The following HECTD4 variants were observed in gnomAD, a reference collection of about 807,000 sequenced individuals.
The protein encoded by HECTD4 is HECT domain E3 ubiquitin protein ligase 4, also known as probable E3 ubiquitin-protein ligase HECTD4.
HECTD4 carries 114 observed loss-of-function variants against 471.5 expected under a neutral mutation model. The observed-to-expected ratio is 0.24, with a 90% CI of 0.21 to 0.28. The LOEUF (loss-of-function observed/expected upper bound fraction) is 0.28. Among genes scored for constraint, HECTD4 ranks in the 10% least tolerant of loss-of-function variants. The probability of loss-of-function intolerance (pLI) is 1.00; values close to 1 mark genes in which losing one functional copy is unlikely to be tolerated. For missense variants in HECTD4, 3,866 were observed against 5,651.5 expected, an observed-to-expected ratio of 0.68 and a Z score of 10.13; for synonymous variants, 2,012 against 2,256.0, an observed-to-expected ratio of 0.89 and a Z score of 3.07.
chr12:112,295,659 A>G (rs1457023994), intron 7 of HECTD4, among the ~76,000 whole-genome samples: 1 of 137,700 alleles, frequency 7.3e-6, no homozygotes, highest in Non-Finnish European at 1.6e-5. Flanking sequence ...TTTTTTTGAG[A>G]CAGGGTCTGT....
intron 26 of HECTD4, 61 bp downstream of exon 26, chr12:112,248,259 A>G: frequency 2.0e-6 from 3 of 1,523,230 alleles, no homozygotes; most frequent in Non-Finnish European, 2.7e-6. Context: ...ATTAGATCAC[A>G]TTCTAAATTT....
chr12:112,187,041 G>A (rs774586074), intron 60 of HECTD4, among the ~76,000 whole-genome samples: 12 of 151,094 alleles, frequency 7.9e-5, no homozygotes, highest in Admixed American at 1.3e-4. Context: ...GTGCAATGGC[G>A]TGATCTTGGC....
At chr12:112,278,013 TG>T (rs996702550) in intron 9 of HECTD4, among the ~76,000 whole-genome samples, 3 of 152,252 alleles carry the variant, frequency 2.0e-5, no homozygotes. Context: ...ATGCACAGAA[TG>T]AGACAAAATA....
At chr12:112,282,166 G>A (rs1196935880) in intron 8 of HECTD4, among the ~76,000 whole-genome samples, 3 of 152,058 alleles carry the variant, frequency 2.0e-5, no homozygotes, top group Non-Finnish European at 2.9e-5. Context: ...GGCGGATCAC[G>A]AGGTCAGGAG....
chr12:112,279,046 C>T (rs777804651), intron 9 of HECTD4, among the ~76,000 whole-genome samples, 182 bp downstream of exon 9: 8 of 152,044 alleles, frequency 5.3e-5, no homozygotes, highest in Non-Finnish European at 1.0e-4. Flanking sequence ...ACTAATATGC[C>T]ATCCACAAAA....
At chr12:112,325,041 T>C (rs1428093429) in intron 1 of HECTD4, among the ~76,000 whole-genome samples, 2 of 152,200 alleles carry the variant, frequency 1.3e-5, no homozygotes, top group Non-Finnish European at 2.9e-5. Flanking sequence ...AACAGGGCTA[T>C]TTATTTTTAT....
chr12:112,205,265 G>C (rs542805182), intron 52 of HECTD4, among the ~76,000 whole-genome samples: 1 of 151,408 alleles, frequency 6.6e-6, no homozygotes. Flanking sequence ...GCAAAACCCC[G>C]TCTCTATTAA....
At chr12:112,204,846 A>G (rs2032527137) in intron 52 of HECTD4, among the ~76,000 whole-genome samples, 1 of 152,090 alleles carries the variant, frequency 6.6e-6, no homozygotes, top group Admixed American at 6.6e-5. Context: ...AAATATAAGC[A>G]CTAAGGCCAG....
In HECTD4 at chr12:112,175,413, T is replaced by C. The variant is rs181378032; in HGVS notation, c.11594+323A>G. ...CAGCCCCAGGAGAAACCAGCACTGCTGACACCTTGATCTGGGCCTTCCAGC... is the reference window on the plus strand; with the variant it reads ...CAGCCCCAGGAGAAACCAGCACTGCCGACACCTTGATCTGGGCCTTCCAGC... On this transcript the variant is annotated intron_variant, in intron 66 of 75. Transcript: ENST00000682272. 7.0e-4 allele frequency among the ~76,000 whole-genome samples: 106 copies of C among 152,332 alleles called. 1 individual carries two copies. The highest frequency in any genetic ancestry group is 2.5e-3 in the African/African-American group (104 of 41,572).
intron 7 of HECTD4, among the ~76,000 whole-genome samples, chr12:112,290,858 C>CAAA (rs201183139): frequency 8.0e-6 from 1 of 125,296 alleles, no homozygotes; most frequent in East Asian, 4.4e-4. Context: ...CAAAAAAAAA[C>CAAA]AAAACAAAAA....
rs549561488 is a variant in HECTD4 at position 112,203,737 on chromosome 12, T to C, written c.8305A>G (p.Asn2769Asp). Residue 2769 changes from asparagine (N) to aspartate (D), a missense_variant, in exon 54 of 76, where the codon AAT becomes GAT. Coordinates refer to ENST00000682272, the MANE Select transcript of HECTD4 (RefSeq NM_001388303.1). ...TVVTRSPDSN[N>D]VASSAVGTAL... ...GTTCCAACAGCACTGCTGGCTACAT[T>C]ATTGCTGTCTGGAGAGCGGGTTACT... 1 of 1,612,644 alleles carries C rather than the reference T, an allele frequency of 6.2e-7. No homozygotes were observed. The highest frequency in any genetic ancestry group is 8.5e-7 in the Non-Finnish European group (1 of 1,179,276).
intron 1 of HECTD4, among the ~76,000 whole-genome samples, chr12:112,337,831 A>G (rs1339047824): frequency 1.3e-5 from 2 of 152,220 alleles, no homozygotes; most frequent in East Asian, 3.8e-4. Flanking sequence ...ATTGCTTAGT[A>G]AAAATCTCCT....
chr12:112,208,383 C>A (rs1172504076), intron 51 of HECTD4, 111 bp downstream of exon 51: 2 of 1,144,062 alleles, frequency 1.7e-6, no homozygotes, highest in Admixed American at 6.7e-5. Flanking sequence ...CTGAGAGTAA[C>A]AAAACCAGCT....
In HECTD4 at chr12:112,235,615, G is replaced by A. The variant is rs753050875; in HGVS notation, c.5614C>T (p.Pro1872Ser). The change falls in exon 36 of 76, where the codon CCC becomes TCC. Residue 1872 changes from proline (P) to serine (S), a missense_variant. Physicochemically the swap from Pro to Ser is moderately conservative, Grantham distance 74 (BLOSUM62 -1). This residue lies in a region of HECTD4 where 617 missense variants were observed against 915.1 expected (regional missense o/e 0.67). Transcript: ENST00000682272. The surrounding 1 kb of genome is among the most constrained non-coding windows in gnomAD (Gnocchi z 5.0). ...VEDCGNVELP[P>S]WSYSVPSLNS... ...AAGGAGGGGACAGAGTAGCTCCAGGGTGGGAGCTCCACGTTTCCACAGTCT... is the reference window on the plus strand; with the variant it reads ...AAGGAGGGGACAGAGTAGCTCCAGGATGGGAGCTCCACGTTTCCACAGTCT... The A allele has an allele frequency of 6.2e-7, 1 of 1,614,008 alleles. No homozygotes were observed. Among genetic ancestry groups the A allele is most frequent in the South Asian group, 1.1e-5 (1 of 91,078 alleles).
At chr12:112,258,397 A>T in intron 20 of HECTD4, 99 bp downstream of exon 20, 1 of 806,324 alleles carries the variant, frequency 1.2e-6, no homozygotes, top group Non-Finnish European at 1.9e-6. Context: ...TTTCACAGCT[A>T]GATAATCCTT....
rs759500528 is a variant in HECTD4, at chr12:112,239,225, T to G, written c.5117A>C (p.Lys1706Thr). 2.5e-6 allele frequency: 4 copies of G among 1,610,642 alleles called. No individual in the cohort carries two copies. The highest frequency in any genetic ancestry group is 3.4e-6 in the Non-Finnish European group (4 of 1,178,516). The change falls in exon 34 of 76, where the codon AAG (lysine) becomes ACG (threonine). Residue 1706 changes from lysine (K) to threonine (T), a missense_variant. Lys to Thr is a moderately conservative substitution (Grantham distance 78, BLOSUM62 -1). Around this residue, in one of 16 missense-constraint regions of HECTD4, gnomAD observed 229 missense variants for 386.4 expected, o/e 0.59. Transcript: ENST00000682272. The surrounding 1 kb of genome is among the most constrained non-coding windows in gnomAD (Gnocchi z 4.9). ...CACAAGGCCACTGCGTACCAGGCAC[T>G]TCTCTTCGCTCCTGACAAAGGGTCA... ...CTIPYTRSEE[K>T]CLVRSGLVQL... is the part of the protein sequence containing the mutation.
At chr12:112,288,202 C>T (rs1459128203) in intron 7 of HECTD4, among the ~76,000 whole-genome samples, 1 of 151,586 alleles carries the variant, frequency 6.6e-6, no homozygotes, top group African/African-American at 2.4e-5. Flanking sequence ...GTGGTATGCA[C>T]CTGTAATTCC....
chr12:112,243,638 G>C lies in HECTD4; in HGVS notation c.4773C>G (p.Gly1591=), dbSNP rs556076565. The C allele has an allele frequency of 2.4e-5, 39 of 1,611,688 alleles. No homozygotes were observed. Among genetic ancestry groups the C allele is most frequent in the Non-Finnish European group, 3.1e-5 (37 of 1,178,860 alleles). ...GACGTACAGCTTGGTCAGGGTTGGT[G>C]CCGATGAAAGCAAACAGCTGCCCTA... The part of the protein sequence containing the change: ...VLLGQLFAFI[G]TNPDQAVSSS... The change falls in exon 31 of 76, where the codon GGC becomes GGG. Residue 1591 remains glycine, a synonymous_variant. Transcript: ENST00000682272. This position sits in a 1 kb window ranked among gnomAD's most constrained non-coding sequence, Gnocchi z 6.6.
At chr12:112,369,482 C>T (rs1348577810) in intron 1 of HECTD4, among the ~76,000 whole-genome samples, 1 of 151,782 alleles carries the variant, frequency 6.6e-6, no homozygotes, top group African/African-American at 2.4e-5. Context: ...GCTGGGATTA[C>T]AGGCACCCAC....
Sources: allele counts gnomAD v4.1 joint callset (sites outside exome capture counted in the v4.1 genomes callset), GRCh38; gene constraint gnomAD v4.1.1; regional missense constraint gnomAD v4.1.1; non-coding constraint Gnocchi (gnomAD v3.1); transcripts MANE v1.5; gene names NCBI Gene and HGNC (gene_info 2026-07-23, HGNC 2026-07-21).